Variants in CADM2 observed in about 807,000 individuals in gnomAD.
CADM2 encodes the protein cell adhesion molecule 2, also known as immunoglobulin superfamily member 4D.
A neutral mutation model predicts 49.8 loss-of-function variants in CADM2; 12 were observed. The ratio of observed to expected loss-of-function variants is 0.24; its 90% CI spans 0.15 to 0.39. The LOEUF (loss-of-function observed/expected upper bound fraction) is 0.39. CADM2 is among the 10% of genes least tolerant of loss of function. The pLI, the probability that CADM2 is intolerant of heterozygous loss-of-function variation, is 1.00. For synonymous variants in CADM2, 214 were observed against 175.4 expected, an observed-to-expected ratio of 1.22 and a Z score of -1.74; for missense variants, 378 against 492.3, an observed-to-expected ratio of 0.77 and a Z score of 2.20.
chr3:85,106,947 A>G (rs148158645), intron 1 of CADM2, among the ~76,000 whole-genome samples: 1 of 152,292 alleles, frequency 6.6e-6, no homozygotes, highest in African/African-American at 2.4e-5. Context: ...GAAAACTTAC[A>G]GTAGGTAGAT....
intron 1 of CADM2, among the ~76,000 whole-genome samples, chr3:85,516,208 T>C (rs762586150): frequency 1.3e-5 from 2 of 152,206 alleles, no homozygotes; most frequent in Non-Finnish European, 2.9e-5. Flanking sequence ...GCAGATCCTG[T>C]GTTCCATTGT....
chr3:85,717,990 G>A (rs921448327), intron 1 of CADM2, among the ~76,000 whole-genome samples: 1 of 152,092 alleles, frequency 6.6e-6, no homozygotes, highest in African/African-American at 2.4e-5. Flanking sequence ...GGCTGGTCTT[G>A]AACTCCTCAC....
At chr3:85,220,381 A>G (rs1261154230) in intron 1 of CADM2, among the ~76,000 whole-genome samples, 1 of 152,154 alleles carries the variant, frequency 6.6e-6, no homozygotes, top group Admixed American at 6.5e-5. Context: ...TATACTCAGC[A>G]TTCTATATTA....
intron 1 of CADM2, among the ~76,000 whole-genome samples, chr3:85,292,105 A>C (rs1005715335): frequency 3.4e-5 from 5 of 148,206 alleles, no homozygotes; most frequent in Non-Finnish European, 7.5e-5. Context: ...TCTACCAAGC[A>C]AATGGAAAAC....
intron 3 of CADM2, among the ~76,000 whole-genome samples, chr3:85,810,035 G>A (rs1469717560): frequency 1.3e-5 from 2 of 151,890 alleles, no homozygotes; most frequent in African/African-American, 2.4e-5. Context: ...ACAGATACAG[G>A]CATAATTAAG....
chr3:85,591,029 A>G (rs2063091807), intron 1 of CADM2, among the ~76,000 whole-genome samples: 1 of 151,834 alleles, frequency 6.6e-6, no homozygotes, highest in Non-Finnish European at 1.5e-5. Flanking sequence ...TTTGTGAGGA[A>G]AATAAGAGTT....
chr3:85,622,594 C>T (rs2064007930), intron 1 of CADM2, among the ~76,000 whole-genome samples: 1 of 152,122 alleles, frequency 6.6e-6, no homozygotes, highest in Non-Finnish European at 1.5e-5. Context: ...ATAGTTGATT[C>T]TTCTTCTGAA....
intron 1 of CADM2, among the ~76,000 whole-genome samples, chr3:85,303,063 G>A (rs1345979658): frequency 6.6e-6 from 1 of 151,814 alleles, no homozygotes; most frequent in Non-Finnish European, 1.5e-5. Flanking sequence ...TCTAAACACT[G>A]TCTCTTATTC....
intron 1 of CADM2, among the ~76,000 whole-genome samples, chr3:85,429,699 C>G (rs985823070): frequency 6.6e-6 from 1 of 151,990 alleles, no homozygotes. Flanking sequence ...CCTACATTCC[C>G]ATAGTAAAAT....
chr3:85,632,044 T>C (rs1268039219), intron 1 of CADM2, among the ~76,000 whole-genome samples: 1 of 152,152 alleles, frequency 6.6e-6, no homozygotes, highest in Admixed American at 6.6e-5. Context: ...TGATGTAGTT[T>C]GGCTCTGTGT....
chr3:86,042,268 C>CA lies in CADM2; in HGVS notation c.971-23331dup, dbSNP rs545484023. Among the ~76,000 whole-genome samples the CA allele has an allele frequency of 2.0e-3, 303 of 151,220 alleles. 1 individual carries two copies. The highest frequency in any genetic ancestry group is 2.8e-3 in the Non-Finnish European group (188 of 67,532). ...GGAAATAGAGACACAAAAAACCCTT[C>CA]AAAAAATCAATGAATCCAGGAGCTG... On this transcript the variant is annotated intron_variant, in intron 8 of 9. Transcript: ENST00000383699.
chr3:85,179,242 G>T (rs942818962), intron 1 of CADM2, among the ~76,000 whole-genome samples: 1 of 151,912 alleles, frequency 6.6e-6, no homozygotes, highest in South Asian at 2.1e-4. Flanking sequence ...CAGTGAATAA[G>T]ATGATTAATA....
intron 8 of CADM2, among the ~76,000 whole-genome samples, chr3:86,050,589 C>T (rs1737217567): frequency 1.3e-5 from 2 of 152,302 alleles, no homozygotes; most frequent in East Asian, 3.9e-4. Flanking sequence ...CAGGCTTCTG[C>T]CTAGACATCC....
rs955411851 is a variant in CADM2, at chr3:85,115,380, G to T, written c.61+155712G>T. ...TATGTCAGTACATTAAAAGTAGAAA[G>T]TTCATTAATGTTTTTAATTCATATC... On this transcript the variant is annotated intron_variant, in intron 1 of 9. Transcript: ENST00000383699. Among the ~76,000 whole-genome samples, 3 of 152,130 alleles carry T rather than the reference G, an allele frequency of 2.0e-5. No homozygotes were observed. In the South Asian group the frequency reaches 6.2e-4, roughly 31 times the overall value.
At chr3:86,054,558 T>G (rs1737697180) in intron 8 of CADM2, among the ~76,000 whole-genome samples, 1 of 152,118 alleles carries the variant, frequency 6.6e-6, no homozygotes, top group Non-Finnish European at 1.5e-5. Flanking sequence ...AGTCAATTGG[T>G]ACAGCCTGAA....
At chr3:86,018,545 T>C (rs918278427) in intron 8 of CADM2, among the ~76,000 whole-genome samples, 10 of 152,180 alleles carry the variant, frequency 6.6e-5, no homozygotes, top group African/African-American at 2.2e-4. Flanking sequence ...ACCTGTTGTT[T>C]CCTGACTTTT....
At chr3:85,775,374 A>G (rs1034763153) in intron 2 of CADM2, among the ~76,000 whole-genome samples, 29 of 151,766 alleles carry the variant, frequency 1.9e-4, no homozygotes, top group African/African-American at 7.0e-4. Flanking sequence ...TACTACTGAT[A>G]TCATCAGTTG....
chr3:84,994,605 C>T (rs2033075048), intron 1 of CADM2, among the ~76,000 whole-genome samples: 1 of 152,140 alleles, frequency 6.6e-6, no homozygotes, highest in Non-Finnish European at 1.5e-5. Context: ...ATTTACATTA[C>T]TGTCATTTCC....
At chr3:85,975,678 A>G (rs1018950660) in intron 8 of CADM2, among the ~76,000 whole-genome samples, 1 of 151,624 alleles carries the variant, frequency 6.6e-6, no homozygotes, top group African/African-American at 2.4e-5. Context: ...TGCTGAACCT[A>G]TCATTTATAA....
Sources: gnomAD v4.1 joint callset for allele counts (sites outside exome capture counted in the v4.1 genomes callset) on GRCh38, gnomAD v4.1.1 for gene constraint, MANE v1.5 for transcripts, NCBI Gene and HGNC (gene_info 2026-07-23, HGNC 2026-07-21) for gene names.